Variants in FAM153A observed in about 807,000 individuals in gnomAD.
FAM153A encodes protein FAM153A.
A neutral mutation model predicts 48.1 loss-of-function variants in FAM153A; 12 were observed. The ratio of observed to expected loss-of-function variants is 0.25; its 90% CI spans 0.16 to 0.40. The LOEUF (loss-of-function observed/expected upper bound fraction) is 0.40. Ranked by LOEUF, FAM153A falls within the 10% of genes least tolerant of loss-of-function variation. FAM153A has a pLI of 1.00. For missense variants in FAM153A, 111 were observed against 345.8 expected (o/e 0.32, Z 5.38); for synonymous variants, 36 against 118.2 (o/e 0.30, Z 4.51).
downstream of FAM153A, chr5:177,718,414 C>G (rs1760302952): frequency 8.6e-6 from 1 of 116,884 alleles, no homozygotes; most frequent in Non-Finnish European, 1.9e-5. Flanking sequence ...GATTTTCTGT[C>G]AAATTTCTGA....
the FAM153A span, among the ~76,000 whole-genome samples, chr5:177,697,709 C>T: frequency 2.6e-5 from 4 of 151,854 alleles, no homozygotes; most frequent in Non-Finnish European, 5.9e-5. Context: ...CCTACTCCAG[C>T]TCTCTGAGGA....
intron 4 of FAM153A, among the ~76,000 whole-genome samples, chr5:177,746,637 T>A (rs1390245288): frequency 6.7e-6 from 1 of 149,642 alleles, no homozygotes; most frequent in Non-Finnish European, 1.5e-5. Flanking sequence ...TATTTGTCCT[T>A]CTGCTCTTTC....
intron 18 of FAM153A, among the ~76,000 whole-genome samples, chr5:177,725,500 G>A (rs1476836330): frequency 2.6e-5 from 4 of 151,228 alleles, no homozygotes. Context: ...AGAATTCAAG[G>A]TAAAGCTCCT....
the FAM153A span, among the ~76,000 whole-genome samples, chr5:177,698,249 G>A: frequency 4.8e-3 from 726 of 151,942 alleles, 16 homozygotes; most frequent in African/African-American, 0.017. Flanking sequence ...GCTCTTGTGT[G>A]CTCTAATCAT....
intron 1 of FAM153A, among the ~76,000 whole-genome samples, chr5:177,768,392 C>T (rs1386885996): frequency 6.6e-6 from 1 of 151,802 alleles, no homozygotes; most frequent in Non-Finnish European, 1.5e-5. Context: ...TTCAGCTCTT[C>T]TCTCCTCTCC....
At chr5:177,728,566 T>TTG (rs1488886387) in intron 18 of FAM153A, among the ~76,000 whole-genome samples, 14 of 140,518 alleles carry the variant, frequency 1.0e-4, no homozygotes, top group East Asian at 8.3e-4. Context: ...TTTTTTTTTG[T>TTG]TTGTTTTTGT....
At chr5:177,759,125 GA>G (rs1312589670) in intron 1 of FAM153A, among the ~76,000 whole-genome samples, 3 of 151,304 alleles carry the variant, frequency 2.0e-5, no homozygotes, top group Admixed American at 1.3e-4. Flanking sequence ...AAATTTACAA[GA>G]AAAAAACAAC....
At chr5:177,723,140 T>C (rs1761493455), downstream of FAM153A, 1 of 136,466 alleles carries the variant, frequency 7.3e-6, no homozygotes, top group Non-Finnish European at 1.6e-5. Context: ...ACGTTGAACA[T>C]GCATAGCTTC....
upstream of FAM153A, among the ~76,000 whole-genome samples, chr5:177,755,548 C>T (rs1241315216): frequency 5.3e-5 from 8 of 151,582 alleles, no homozygotes; most frequent in African/African-American, 1.7e-4. Context: ...TTCACCAAAG[C>T]TGAAATGAAG....
chr5:177,694,872 T>C, the FAM153A span, among the ~76,000 whole-genome samples: 5 of 150,956 alleles, frequency 3.3e-5, no homozygotes, highest in Non-Finnish European at 5.9e-5. Flanking sequence ...TAATTAGGAC[T>C]CCACATAATC....
At chr5:177,721,992 T>TC (rs1171386083), downstream of FAM153A, 3 of 151,544 alleles carry the variant, frequency 2.0e-5, no homozygotes, top group African/African-American at 7.3e-5. Flanking sequence ...TACAAAAACT[T>TC]AAAACCGAGT....
exon 27 of FAM153A, chr5:177,713,113 A>C (rs1212191809): frequency 5.3e-5 from 8 of 152,020 alleles, no homozygotes; most frequent in African/African-American, 1.7e-4. Context: ...AAATGACTTC[A>C]TCTTTTAACA....
downstream of FAM153A, chr5:177,706,852 T>C (rs1280814902): frequency 6.6e-6 from 1 of 151,826 alleles, no homozygotes. Flanking sequence ...TGAGATTCAA[T>C]GAAGATGATA....
intron 25 of FAM153A, among the ~76,000 whole-genome samples, chr5:177,715,844 A>T (rs977440122): frequency 6.6e-6 from 1 of 151,428 alleles, no homozygotes; most frequent in Non-Finnish European, 1.5e-5. Flanking sequence ...GCTAATTTTT[A>T]AATTTTTTTT....
In FAM153A at chr5:177,727,724, G is replaced by C; in HGVS notation, c.964+1299C>G. 3.1e-5 allele frequency among the ~76,000 whole-genome samples: 2 copies of C among 64,718 alleles called. 1 individual carries two copies. Among genetic ancestry groups the C allele is most frequent in the Non-Finnish European group, 5.8e-5 (2 of 34,482 alleles). 42.5% of individuals were successfully genotyped at this position (64,718 alleles called of 152,430 possible). A position where few individuals can be genotyped will look rare whatever the true frequency, so the allele number is the denominator to read the frequency against. ...ACAGGAGAGTTGCAAGGACCACCTG[G>C]ACTCTGGAGCAGCCCCACTCCCTTT... On this transcript the variant is annotated intron_variant, in intron 18 of 20. Transcript: ENST00000614127.
chr5:177,745,178 G>T, intron 4 of FAM153A: 1 of 131,444 alleles, frequency 7.6e-6, no homozygotes, highest in Non-Finnish European at 1.3e-5. Flanking sequence ...AGTGCAGGCT[G>T]TGTGTCCCTG....
the FAM153A span, among the ~76,000 whole-genome samples, chr5:177,697,267 A>G: frequency 6.6e-6 from 1 of 151,698 alleles, no homozygotes; most frequent in Non-Finnish European, 1.5e-5. Context: ...GCTGGTATAT[A>G]GAAAAATAAT....
chr5:177,696,968 A>AT, the FAM153A span, among the ~76,000 whole-genome samples: 1 of 151,938 alleles, frequency 6.6e-6, no homozygotes, highest in East Asian at 1.9e-4. Flanking sequence ...CAGCTTGTTA[A>AT]TTCCTGCAAA....
rs1429220110 is a variant in FAM153A at position 177,727,750 on chromosome 5, G to T, written c.964+1273C>A. The stretch of plus-strand genomic sequence containing the variant: ...ACTCTGGAGCAGCCCCACTCCCTTT[G>T]CTGAGTTCACCTTGCACTGAAGCAG... On this transcript the variant is annotated intron_variant, in intron 18 of 20. Coordinates refer to ENST00000614127, the Ensembl canonical transcript of FAM153A. 2.6e-5 allele frequency among the ~76,000 whole-genome samples: 2 copies of T among 77,118 alleles called. 1 individual carries two copies. Among genetic ancestry groups the T allele is most frequent in the Non-Finnish European group, 5.0e-5 (2 of 40,150 alleles). 50.6% of individuals were successfully genotyped at this position (77,118 alleles called of 152,430 possible).
Sources: allele counts gnomAD v4.1 joint callset (sites outside exome capture counted in the v4.1 genomes callset), GRCh38; gene constraint gnomAD v4.1.1; transcripts MANE v1.5; gene names NCBI Gene and HGNC (gene_info 2026-07-23, HGNC 2026-07-21).